The following PCDHGA9 variants were observed in gnomAD, a reference collection of about 807,000 sequenced individuals.
The protein encoded by PCDHGA9 is protocadherin gamma-A9.
A neutral mutation model predicts 62.5 loss-of-function variants in PCDHGA9; 37 were observed. The ratio of observed to expected loss-of-function variants is 0.59; its 90% CI spans 0.46 to 0.78. The LOEUF (loss-of-function observed/expected upper bound fraction) is 0.78, where lower values mean the gene tolerates loss of function less well. Among genes scored for constraint, PCDHGA9 ranks in the 30% least tolerant of loss-of-function variants. PCDHGA9 has a pLI of 0.00. For synonymous variants in PCDHGA9, 459 were observed against 484.6 expected (o/e 0.95, Z 0.69); for missense variants, 1,138 against 1,166.2 (o/e 0.98, Z 0.35).
At position 141,491,134 on chromosome 5, in the gene PCDHGA9, C is replaced by T. The variant is rs1594979273; in HGVS notation, c.2425-3673C>T. Reference sequence around the variant, plus strand: ...ACACACTGGTGAGGTGCGCACAGCCCGGGCCTTACTGGAGGATGACTCTGA... The same window carrying T: ...ACACACTGGTGAGGTGCGCACAGCCTGGGCCTTACTGGAGGATGACTCTGA... On this transcript the variant is annotated intron_variant, in intron 1 of 3. Transcript: ENST00000573521. The surrounding 1 kb of genome is among the most constrained non-coding windows in gnomAD (Gnocchi z 6.9). The T allele has an allele frequency of 6.2e-7, 1 of 1,614,138 alleles. No homozygotes were observed. Among genetic ancestry groups the T allele is most frequent in the Non-Finnish European group, 8.5e-7 (1 of 1,179,994 alleles).
chr5:141,475,867 G>A (rs2099377217), intron 1 of PCDHGA9: 1 of 504,884 alleles, frequency 2.0e-6, no homozygotes, highest in Non-Finnish European at 3.5e-6. Flanking sequence ...CTCATTCTTC[G>A]TGCAGTTATT....
At chr5:141,461,794 C>T (rs191966750) in intron 1 of PCDHGA9, among the ~76,000 whole-genome samples, 7 of 152,134 alleles carry the variant, frequency 4.6e-5, no homozygotes, top group African/African-American at 1.7e-4. Flanking sequence ...GCTGGGATTA[C>T]AGGTGCCCAC....
intron 1 of PCDHGA9, among the ~76,000 whole-genome samples, chr5:141,448,869 T>C (rs1375609555): frequency 6.6e-6 from 1 of 151,930 alleles, no homozygotes; most frequent in Non-Finnish European, 1.5e-5. Flanking sequence ...GGCGTGAACC[T>C]GGGAGGCGGA....
intron 1 of PCDHGA9, chr5:141,408,397 G>T: frequency 6.2e-7 from 1 of 1,614,068 alleles, no homozygotes; most frequent in Non-Finnish European, 8.5e-7. Context: ...CGGCTCGCAA[G>T]CTGCGAGTGA....
At chr5:141,450,772 C>T (rs544188262) in intron 1 of PCDHGA9, among the ~76,000 whole-genome samples, 1 of 151,944 alleles carries the variant, frequency 6.6e-6, no homozygotes, top group African/African-American at 2.4e-5. Flanking sequence ...CAGGCATGAG[C>T]CACCGTGCCC....
chr5:141,466,573 C>T (rs2099125317), intron 1 of PCDHGA9, among the ~76,000 whole-genome samples: 1 of 152,104 alleles, frequency 6.6e-6, no homozygotes, highest in South Asian at 2.1e-4. Context: ...TCAACATTGT[C>T]TCATCCCTTC....
intron 1 of PCDHGA9, chr5:141,422,118 ACAAACTGGAGAAGTT>A (rs1243312753): frequency 6.2e-7 from 1 of 1,604,312 alleles, no homozygotes; most frequent in Non-Finnish European, 8.5e-7. Flanking sequence ...AATTGGATTC[ACAAACTGGAGAAGTT>A]CAAGTACGGG....
chr5:141,409,275 A>G (rs1266955919), intron 1 of PCDHGA9: 1 of 1,614,020 alleles, frequency 6.2e-7, no homozygotes, highest in South Asian at 1.1e-5. Flanking sequence ...CAGATTTTGG[A>G]GAATTCACCT....
chr5:141,411,859 C>CA (rs553337516), intron 1 of PCDHGA9: 8,585 of 145,752 alleles, frequency 0.059, 330 homozygotes, highest in Non-Finnish European at 0.088. Context: ...GACCCTGTCT[C>CA]AAAAAAAAAA....
chr5:141,440,328 T>G (rs1311315077), intron 1 of PCDHGA9: 1 of 152,102 alleles, frequency 6.6e-6, no homozygotes. Context: ...TTACTGGGCA[T>G]GGTGGTGCAG....
chr5:141,498,971 GGGAAGGAAGGAAGGAAGGAAGGAAGGAA>G (rs201769957), intron 2 of PCDHGA9, among the ~76,000 whole-genome samples: 8 of 111,052 alleles, frequency 7.2e-5, no homozygotes, highest in South Asian at 3.8e-4. Flanking sequence ...GAGGGAGGGA[GGGAAGGAAGGAAGGAAGGAAGGAAGGAA>G]GGAAGGAAGG....
chr5:141,473,374 G>A (rs1437989884), intron 1 of PCDHGA9, among the ~76,000 whole-genome samples: 1 of 152,204 alleles, frequency 6.6e-6, no homozygotes, highest in African/African-American at 2.4e-5. Context: ...AAATAGCATG[G>A]TCCCTGCCCT....
At chr5:141,409,995 C>A (rs777416137) in intron 1 of PCDHGA9, 2 of 1,613,308 alleles carry the variant, frequency 1.2e-6, no homozygotes, top group Admixed American at 3.3e-5. Flanking sequence ...GACGCCGACT[C>A]GGGACACAAC....
chr5:141,432,681 G>A lies in PCDHGA9; in HGVS notation c.2424+27305G>A, dbSNP rs147073234. 2.4e-3 allele frequency: 3,845 copies of A among 1,613,930 alleles called. 12 individuals carry two copies. Among genetic ancestry groups the A allele is most frequent in the Admixed American group, 6.0e-3 (358 of 60,016 alleles). On this transcript the variant is annotated intron_variant, in intron 1 of 3. Coordinates refer to ENST00000573521, the MANE Select transcript of PCDHGA9 (RefSeq NM_018921.3). This position sits in a 1 kb window ranked among gnomAD's most constrained non-coding sequence, Gnocchi z 6.0. Reference sequence around the variant, plus strand: ...CTGGACAGAGACGCGCTCAAGCAGAGCCTCGTAGTGGCCGTCCAGGACCAC... The same window carrying A: ...CTGGACAGAGACGCGCTCAAGCAGAACCTCGTAGTGGCCGTCCAGGACCAC...
Position 141,446,243 on chromosome 5 carries a change from C to T in PCDHGA9, c.2424+40867C>T, listed in dbSNP as rs552551215. Among the ~76,000 whole-genome samples, 23 of 152,096 alleles carry T rather than the reference C, an allele frequency of 1.5e-4. 1 individual carries two copies. The South Asian group carries it at 4.6e-3, about 30-fold the overall frequency. On this transcript the variant is annotated intron_variant, in intron 1 of 3. Coordinates refer to ENST00000573521, the MANE Select transcript of PCDHGA9 (RefSeq NM_018921.3). ...TTGTGTTGCCTGGCAAGTGGTAGAT[C>T]TTCAGTGAAATATTATTAACTGAAT...
intron 1 of PCDHGA9, chr5:141,428,769 T>A (rs1367357065): frequency 6.5e-6 from 1 of 154,242 alleles, no homozygotes; most frequent in Non-Finnish European, 1.4e-5. Flanking sequence ...TTGCCCACTC[T>A]TAATATTTCC....
At chr5:141,482,719 G>C (rs1221351410) in intron 1 of PCDHGA9, among the ~76,000 whole-genome samples, 1 of 129,252 alleles carries the variant, frequency 7.7e-6, no homozygotes, top group African/African-American at 3.5e-5. Flanking sequence ...GGCAGGGAGG[G>C]GCCATTGCAA....
At chr5:141,422,769 T>C (rs1274700138) in intron 1 of PCDHGA9, 1 of 1,613,852 alleles carries the variant, frequency 6.2e-7, no homozygotes, top group Admixed American at 1.7e-5. Context: ...ACACTGGTGT[T>C]CTCTATGCCC....
At position 141,403,607 on chromosome 5, in the gene PCDHGA9, G is replaced by A. The variant is rs2094432931; in HGVS notation, c.655G>A (p.Glu219Lys). Residue 219 changes from glutamate to lysine, a missense_variant, in exon 1 of 4, where the codon GAG (glutamate) becomes AAG (lysine). Coordinates refer to ENST00000573521, the MANE Select transcript of PCDHGA9 (RefSeq NM_018921.3). Reference sequence around the variant, plus strand: ...GGTCCTCACGGCCTCGGATGGCGGCGAGCCGCGTCGCTCCAGCACAGTGCG... The same window carrying A: ...GGTCCTCACGGCCTCGGATGGCGGCAAGCCGCGTCGCTCCAGCACAGTGCG... ...HLVLTASDGGEPRRSSTVRIH... is the reference protein window; with the variant it reads ...HLVLTASDGGKPRRSSTVRIH... 6 of 1,613,854 alleles carry A rather than the reference G, an allele frequency of 3.7e-6. No homozygotes were observed. Among genetic ancestry groups the A allele is most frequent in the Non-Finnish European group, 5.1e-6 (6 of 1,179,880 alleles).
Sources: gnomAD v4.1 joint callset for allele counts (sites outside exome capture counted in the v4.1 genomes callset) on GRCh38, gnomAD v4.1.1 for gene constraint, Gnocchi (gnomAD v3.1) non-coding constraint, MANE v1.5 for transcripts, NCBI Gene and HGNC (gene_info 2026-07-23, HGNC 2026-07-21) for gene names.